Variants in ASTN2 observed in about 807,000 individuals in gnomAD.
ASTN2 encodes astrotactin 2, also known as astrotactin-2.
A neutral mutation model predicts 139.8 loss-of-function variants in ASTN2; 54 were observed. That is an observed-to-expected ratio of 0.39 (90% CI 0.31 to 0.48). The LOEUF is 0.48. Among genes scored for constraint, ASTN2 ranks in the 20% least tolerant of loss-of-function variants. The pLI is 0.95. For missense variants in ASTN2, 1,565 were observed against 1,725.1 expected (o/e 0.91, Z 1.64); for synonymous variants, 756 against 719.5 (o/e 1.05, Z -0.81).
intron 16 of ASTN2, among the ~76,000 whole-genome samples, chr9:116,652,143 G>T (rs1026063581): frequency 1.3e-5 from 2 of 151,870 alleles, no homozygotes; most frequent in African/African-American, 4.8e-5. Flanking sequence ...GGCCAACATT[G>T]CAAAAACCCA....
chr9:116,558,621 C>T (rs558970417), intron 19 of ASTN2, among the ~76,000 whole-genome samples: 3 of 152,194 alleles, frequency 2.0e-5, no homozygotes, highest in East Asian at 3.9e-4. Context: ...ATTTTAGGTC[C>T]GGAAAAGTCA....
At chr9:116,823,572 G>C (rs1831544326) in intron 11 of ASTN2, among the ~76,000 whole-genome samples, 1 of 152,168 alleles carries the variant, frequency 6.6e-6, no homozygotes, top group Non-Finnish European at 1.5e-5. Context: ...CAGCACATGA[G>C]CGAAGAACGT....
At chr9:116,583,789 G>A (rs993647646) in intron 19 of ASTN2, 5 of 152,190 alleles carry the variant, frequency 3.3e-5, no homozygotes, top group Admixed American at 2.0e-4. Flanking sequence ...TGCATAACTC[G>A]AGGCAGACAG....
intron 19 of ASTN2, among the ~76,000 whole-genome samples, chr9:116,601,735 A>G (rs991662024): frequency 1.3e-5 from 2 of 152,210 alleles, no homozygotes; most frequent in African/African-American, 4.8e-5. Context: ...TTGTAGGGAG[A>G]TGATAGCAAA....
At chr9:116,559,414 T>A (rs531451263) in intron 19 of ASTN2, among the ~76,000 whole-genome samples, 3 of 152,338 alleles carry the variant, frequency 2.0e-5, no homozygotes, top group South Asian at 2.1e-4. Flanking sequence ...CTGAAGCACA[T>A]ACACAGTTTA....
At chr9:116,949,521 G>C (rs1835498156) in intron 10 of ASTN2, among the ~76,000 whole-genome samples, 1 of 152,170 alleles carries the variant, frequency 6.6e-6, no homozygotes, top group Non-Finnish European at 1.5e-5. Flanking sequence ...ACTAGTGTAA[G>C]TGGAAGAGAC....
chr9:117,374,551 G>T (rs1442353249), intron 1 of ASTN2, among the ~76,000 whole-genome samples: 1 of 151,964 alleles, frequency 6.6e-6, no homozygotes, highest in African/African-American at 2.4e-5. Context: ...ATAGCTGCAA[G>T]GCTTGAAAAT....
At chr9:117,070,761 C>A (rs942748321) in intron 5 of ASTN2, among the ~76,000 whole-genome samples, 1 of 151,734 alleles carries the variant, frequency 6.6e-6, no homozygotes, top group African/African-American at 2.4e-5. Flanking sequence ...TCATTCATTT[C>A]ATCTTCCATT....
chr9:117,089,337 A>T (rs1828645265), intron 5 of ASTN2, among the ~76,000 whole-genome samples: 1 of 152,188 alleles, frequency 6.6e-6, no homozygotes, highest in African/African-American at 2.4e-5. Flanking sequence ...ATCTCCGATG[A>T]ATATATGTTA....
chr9:116,919,247 G>A (rs1447535449), intron 10 of ASTN2, among the ~76,000 whole-genome samples: 3 of 152,194 alleles, frequency 2.0e-5, no homozygotes, highest in African/African-American at 7.2e-5. Context: ...TGGTAGGGAT[G>A]GAGGTGGAGG....
At chr9:117,215,595 C>T (rs1347096187) in intron 2 of ASTN2, among the ~76,000 whole-genome samples, 1 of 151,936 alleles carries the variant, frequency 6.6e-6, no homozygotes, top group Non-Finnish European at 1.5e-5. Context: ...ACATATCTTA[C>T]ATGATTCATG....
intron 2 of ASTN2, among the ~76,000 whole-genome samples, chr9:117,282,872 C>G (rs1834357656): frequency 7.4e-6 from 1 of 134,934 alleles, no homozygotes; most frequent in East Asian, 1.9e-4. Flanking sequence ...TTAGAGTGGT[C>G]TGTTTGCAGA....
intron 3 of ASTN2, among the ~76,000 whole-genome samples, chr9:117,189,893 A>G (rs1024952058): frequency 1.3e-5 from 2 of 152,176 alleles, no homozygotes; most frequent in African/African-American, 4.8e-5. Context: ...ATGGAGAGTG[A>G]AGATACATAC....
intron 4 of ASTN2, among the ~76,000 whole-genome samples, chr9:117,135,155 T>C (rs755350294): frequency 1.3e-5 from 2 of 152,206 alleles, no homozygotes; most frequent in Non-Finnish European, 2.9e-5. Context: ...TCAAAGATCT[T>C]AGTTGTGGTA....
At chr9:116,648,214 C>T (rs111406822) in intron 17 of ASTN2, among the ~76,000 whole-genome samples, 3,596 of 152,132 alleles carry the variant, frequency 0.024, 136 homozygotes, top group African/African-American at 0.082. Flanking sequence ...GTTGTACAAG[C>T]TGGTCTTGAA....
chr9:116,544,191 T>G (rs1264563578), intron 19 of ASTN2, among the ~76,000 whole-genome samples: 1 of 152,160 alleles, frequency 6.6e-6, no homozygotes, highest in East Asian at 1.9e-4. Context: ...AAATTTGCAC[T>G]GAGACAGTCA....
At chr9:116,995,622 G>T (rs1450641339) in intron 7 of ASTN2, among the ~76,000 whole-genome samples, 6 of 152,174 alleles carry the variant, frequency 3.9e-5, no homozygotes, top group Non-Finnish European at 8.8e-5. Context: ...ATTCAAGGTT[G>T]TAATTATGTG....
intron 10 of ASTN2, among the ~76,000 whole-genome samples, chr9:116,884,805 C>T (rs982549386): frequency 1.0e-5 from 1 of 95,752 alleles, no homozygotes; most frequent in Non-Finnish European, 1.9e-5. Flanking sequence ...AAATATCCGC[C>T]CCCCCCCCAC....
rs752549961 is a variant in ASTN2, at chr9:116,975,233, C to T, written c.1864G>A (p.Val622Ile). 112 of 1,612,488 alleles carry T rather than the reference C, an allele frequency of 6.9e-5. 5 individuals are homozygous for T. In the South Asian group the frequency reaches 1.2e-3, roughly 17 times the overall value. Residue 622 changes from valine (V) to isoleucine (I), a missense_variant, in exon 10 of 23, where the codon GTC becomes ATC. Val to Ile is a conservative substitution (Grantham distance 29). Around this residue, in one of 4 missense-constraint regions of ASTN2, gnomAD observed 503 missense variants for 591.7 expected, o/e 0.85. Transcript: ENST00000313400. ...CTGACATCTGCAGGGTCTTCCGTGA[C>T]GAGCACATCGGTCTTGCAGCTGGCC... ...PLASCKTDVL[V>I]TEDPADVREE...
Sources: allele counts gnomAD v4.1 joint callset (sites outside exome capture counted in the v4.1 genomes callset), GRCh38; gene constraint gnomAD v4.1.1; regional missense constraint gnomAD v4.1.1; transcripts MANE v1.5; gene names NCBI Gene and HGNC (gene_info 2026-07-23, HGNC 2026-07-21).